NWD2: variants seen among roughly 807,000 people sequenced by gnomAD.
The protein encoded by NWD2 is NACHT and WD repeat domain containing 2, also known as NACHT and WD repeat domain-containing protein 2.
NWD2 carries 37 observed loss-of-function variants against 132.7 expected under a neutral mutation model. That is an observed-to-expected ratio of 0.28 (90% CI 0.21 to 0.37). The LOEUF is 0.37. Ranked by LOEUF, NWD2 falls within the 10% of genes least tolerant of loss-of-function variation. The pLI is 1.00. For synonymous variants in NWD2, 705 were observed against 803.0 expected (o/e 0.88, Z 2.06); for missense variants, 1,592 against 2,122.4 (o/e 0.75, Z 4.91).
intron 1 of NWD2, among the ~76,000 whole-genome samples, chr4:37,310,786 CCCCCA>C (rs1560391407): frequency 1.0e-5 from 1 of 100,070 alleles, no homozygotes; most frequent in East Asian, 3.6e-4. Flanking sequence ...CTCCCCCCTC[CCCCCA>C]CCCCACAACA....
intron 1 of NWD2, among the ~76,000 whole-genome samples, chr4:37,286,993 C>T (rs1268888961): frequency 2.6e-5 from 4 of 152,134 alleles, no homozygotes; most frequent in East Asian, 1.9e-4. Flanking sequence ...TCAGAACTGA[C>T]GAGGTGACTG....
chr4:37,399,994 TCA>T (rs1364224784), intron 3 of NWD2, among the ~76,000 whole-genome samples: 2 of 152,232 alleles, frequency 1.3e-5, no homozygotes, highest in African/African-American at 4.8e-5. Context: ...CCTTTCTGTC[TCA>T]CATATTTTCT....
chr4:37,395,660 C>A (rs574199930), intron 3 of NWD2, among the ~76,000 whole-genome samples: 1 of 147,896 alleles, frequency 6.8e-6, no homozygotes, highest in Non-Finnish European at 1.5e-5. Context: ...GGGGAAGGGG[C>A]CTTGTCAATT....
chr4:37,301,242 A>T (rs891145374), intron 1 of NWD2, among the ~76,000 whole-genome samples: 2 of 151,964 alleles, frequency 1.3e-5, no homozygotes, highest in Admixed American at 6.6e-5. Context: ...TGTTTCTAAG[A>T]TCTGTTGTTT....
At position 37,446,548 on chromosome 4, in the gene NWD2, A is replaced by G; in HGVS notation, c.4560A>G (p.Pro1520=). 6.4e-7 allele frequency: 1 copy of G among 1,551,764 alleles called. No individual in the cohort carries two copies. Among genetic ancestry groups the G allele is most frequent in the Admixed American group, 2.0e-5 (1 of 51,004 alleles). ...DEVICRRVQL[P]NNFLKNLEDF... ...TGATCTGTCGGCGCGTGCAACTTCC[A>G]AACAACTTCTTGAAAAATCTGGAGG... Residue 1520 remains proline, a synonymous_variant, in exon 7 of 7, where the codon CCA becomes CCG. Transcript: ENST00000309447. The surrounding 1 kb of genome is among the most constrained non-coding windows in gnomAD (Gnocchi z 6.7).
intron 1 of NWD2, among the ~76,000 whole-genome samples, chr4:37,295,310 G>A (rs1016414480): frequency 3.9e-5 from 6 of 152,064 alleles, no homozygotes; most frequent in Admixed American, 6.6e-5. Context: ...GTAAATGATC[G>A]TGTACTTTGT....
chr4:37,336,582 A>G (rs1719409983), intron 2 of NWD2, among the ~76,000 whole-genome samples: 2 of 152,220 alleles, frequency 1.3e-5, no homozygotes, highest in South Asian at 4.1e-4. Flanking sequence ...CCCAGTGGGA[A>G]TGGAAATTCA....
intron 5 of NWD2, among the ~76,000 whole-genome samples, chr4:37,436,123 G>A (rs2973216): frequency 0.79 from 119,349 of 151,956 alleles, 46,952 homozygotes; most frequent in Middle Eastern, 0.89. Flanking sequence ...CTTGGGAATC[G>A]TAAAGAAATT....
chr4:37,448,284 G>T lies in NWD2; in HGVS notation c.*1067G>T, dbSNP rs952181125. 3 of 152,140 alleles carry T rather than the reference G, an allele frequency of 2.0e-5. No homozygotes were observed. The highest frequency in any genetic ancestry group is 7.2e-5 in the African/African-American group (3 of 41,422). The allele number at this position is 152,140 out of a possible 1,614,324, so 9.4% of individuals were successfully genotyped here. ...GGATAAACTGAATATGCCTGTCTTT[G>T]TGCTAAAATATTCCATAAATCTTAA... On this transcript the variant is annotated 3_prime_UTR_variant, in exon 7 of 7. Coordinates refer to ENST00000309447, the MANE Select transcript of NWD2 (RefSeq NM_001144990.2).
chr4:37,327,978 A>T (rs533482337), intron 2 of NWD2, among the ~76,000 whole-genome samples: 17 of 152,106 alleles, frequency 1.1e-4, no homozygotes, highest in African/African-American at 3.4e-4. Flanking sequence ...AATGCTTTTC[A>T]GTCTGGTTCT....
intron 3 of NWD2, among the ~76,000 whole-genome samples, chr4:37,405,303 A>G (rs552306401): frequency 6.6e-6 from 1 of 152,264 alleles, no homozygotes; most frequent in East Asian, 1.9e-4. Context: ...AAAACCATGT[A>G]AGGGAAGAGG....
intron 3 of NWD2, among the ~76,000 whole-genome samples, chr4:37,422,070 C>A (rs1711832965): frequency 6.6e-6 from 1 of 152,106 alleles, no homozygotes; most frequent in East Asian, 1.9e-4. Context: ...TCCTTGAAAG[C>A]CCCATTTTCA....
intron 1 of NWD2, among the ~76,000 whole-genome samples, chr4:37,322,342 A>G (rs1179947032): frequency 6.6e-6 from 1 of 152,178 alleles, no homozygotes; most frequent in Non-Finnish European, 1.5e-5. Flanking sequence ...GTGCTCAGAG[A>G]AGGCCTCTCT....
chr4:37,253,513 C>T (rs1577644810), intron 1 of NWD2, among the ~76,000 whole-genome samples: 1 of 152,100 alleles, frequency 6.6e-6, no homozygotes, highest in East Asian at 1.9e-4. Context: ...TTTCTTCTTC[C>T]TTTGCTTTCC....
At chr4:37,352,622 T>C (rs1719792677) in intron 2 of NWD2, among the ~76,000 whole-genome samples, 1 of 152,234 alleles carries the variant, frequency 6.6e-6, no homozygotes, top group South Asian at 2.1e-4. Flanking sequence ...AATGCCCTTC[T>C]TTGTCTATTT....
intron 4 of NWD2, 29 bp from the exon 5 acceptor site, chr4:37,433,847 A>G: frequency 1.3e-6 from 2 of 1,490,582 alleles, no homozygotes; most frequent in South Asian, 1.4e-5. Flanking sequence ...TGATTGTAAG[A>G]CTAATTTCTC....
intron 3 of NWD2, among the ~76,000 whole-genome samples, chr4:37,430,139 G>T (rs895373673): frequency 2.6e-5 from 4 of 152,124 alleles, no homozygotes; most frequent in African/African-American, 9.7e-5. Context: ...TATTGTAGCA[G>T]TGTGAATCTG....
chr4:37,383,057 T>C (rs984853329), intron 3 of NWD2, among the ~76,000 whole-genome samples: 23 of 152,210 alleles, frequency 1.5e-4, no homozygotes, highest in African/African-American at 5.5e-4. Flanking sequence ...GACAACCATT[T>C]CTTCTGCTGT....
At chr4:37,382,880 G>A (rs1381015126) in intron 3 of NWD2, among the ~76,000 whole-genome samples, 1 of 151,716 alleles carries the variant, frequency 6.6e-6, no homozygotes, top group Non-Finnish European at 1.5e-5. Flanking sequence ...TTTTAGTGGA[G>A]ATGGGGTTTC....
Sources: allele counts gnomAD v4.1 joint callset (sites outside exome capture counted in the v4.1 genomes callset), GRCh38; gene constraint gnomAD v4.1.1; non-coding constraint Gnocchi (gnomAD v3.1); transcripts MANE v1.5; gene names NCBI Gene and HGNC (gene_info 2026-07-23, HGNC 2026-07-21).